Variants in ATP8B4 observed in about 807,000 individuals in gnomAD.
The protein encoded by ATP8B4 is ATPase phospholipid transporting 8B4 (putative).
A neutral mutation model predicts 145.6 loss-of-function variants in ATP8B4; 133 were observed. The ratio of observed to expected loss-of-function variants is 0.91; its 90% CI spans 0.79 to 1.05. The LOEUF is 1.05. Among genes scored for constraint, ATP8B4 ranks in the 50% least tolerant of loss-of-function variants. The pLI, the probability that ATP8B4 is intolerant of heterozygous loss-of-function variation, is 0.00. For synonymous variants in ATP8B4, 507 were observed against 492.9 expected (o/e 1.03, Z -0.38); for missense variants, 1,458 against 1,425.2 (o/e 1.02, Z -0.37).
At chr15:50,002,053 C>T in intron 8 of ATP8B4, 100 bp downstream of exon 8, 3 of 971,240 alleles carry the variant, frequency 3.1e-6, no homozygotes, top group Non-Finnish European at 4.6e-6. Flanking sequence ...ACTCCTATGT[C>T]TCCCAAGAAG....
intron 16 of ATP8B4, among the ~76,000 whole-genome samples, chr15:49,927,375 T>C (rs2040822204): frequency 6.6e-6 from 1 of 152,036 alleles, no homozygotes; most frequent in Non-Finnish European, 1.5e-5. Flanking sequence ...CCTGAGCCTT[T>C]GCATCAGGGT....
At chr15:49,860,545 T>C (rs1480071966) in intron 27 of ATP8B4, 70 bp from the exon 28 acceptor site, 1 of 1,466,578 alleles carries the variant, frequency 6.8e-7, no homozygotes, top group Non-Finnish European at 9.1e-7. Context: ...GCCCACTTTG[T>C]AAAGTGAAAG....
intron 8 of ATP8B4, 43 bp from the exon 9 acceptor site, chr15:49,996,802 C>A: frequency 6.7e-7 from 1 of 1,498,422 alleles, no homozygotes; most frequent in Non-Finnish European, 9.2e-7. Context: ...TATGGAACAG[C>A]CCAACAGCAT....
At chr15:50,111,757 G>T (rs1311522741) in intron 1 of ATP8B4, among the ~76,000 whole-genome samples, 3 of 152,188 alleles carry the variant, frequency 2.0e-5, no homozygotes, top group Non-Finnish European at 4.4e-5. Context: ...GTGTACATTT[G>T]ATATTAGTTA....
chr15:50,084,018 C>T (rs529960883), intron 2 of ATP8B4, among the ~76,000 whole-genome samples: 19 of 152,194 alleles, frequency 1.2e-4, no homozygotes, highest in East Asian at 3.9e-4. Flanking sequence ...CACATCCAGA[C>T]GGGTGGCCAA....
intron 13 of ATP8B4, among the ~76,000 whole-genome samples, chr15:49,968,422 G>A (rs200415190): frequency 2.2e-5 from 1 of 45,098 alleles, no homozygotes; most frequent in Admixed American, 2.8e-4. Context: ...TAAAGGGATG[G>A]AGGAATATTT....
intron 24 of ATP8B4, among the ~76,000 whole-genome samples, chr15:49,877,962 CT>C (rs1490706798): frequency 2.0e-5 from 3 of 152,096 alleles, no homozygotes; most frequent in Admixed American, 1.3e-4. Flanking sequence ...CTCTCCAAGG[CT>C]TGGTTTCTGC....
chr15:50,164,524 C>T (rs1343566284), intron 1 of ATP8B4, among the ~76,000 whole-genome samples: 1 of 152,152 alleles, frequency 6.6e-6, no homozygotes, highest in Non-Finnish European at 1.5e-5. Flanking sequence ...ACTCTCCCCT[C>T]TTCTCTCCTC....
intron 2 of ATP8B4, among the ~76,000 whole-genome samples, chr15:50,104,516 C>G (rs573263935): frequency 6.6e-6 from 1 of 152,230 alleles, no homozygotes; most frequent in South Asian, 2.1e-4. Context: ...AAATGCAAAT[C>G]AAAACCACAA....
chr15:50,107,834 G>C (rs2056757225), intron 1 of ATP8B4, among the ~76,000 whole-genome samples: 1 of 152,054 alleles, frequency 6.6e-6, no homozygotes, highest in Non-Finnish European at 1.5e-5. Flanking sequence ...AGAAGGGGAA[G>C]AACAACACTT....
chr15:50,156,075 T>TAA (rs1567410425), intron 1 of ATP8B4, among the ~76,000 whole-genome samples: 20 of 55,660 alleles, frequency 3.6e-4, no homozygotes, highest in Admixed American at 6.6e-4. Flanking sequence ...AATAAATAAA[T>TAA]ATATATATAT....
intron 11 of ATP8B4, among the ~76,000 whole-genome samples, chr15:49,980,852 G>A (rs1004211373): frequency 2.0e-5 from 3 of 152,162 alleles, no homozygotes; most frequent in African/African-American, 7.2e-5. Flanking sequence ...AGCCAGCCCT[G>A]CCCACCATAA....
chr15:49,860,381 G>C lies in ATP8B4; in HGVS notation c.3392C>G (p.Ala1131Gly), dbSNP rs1451305167. ...TCCATAGCCTTCTTGGTGAGCAAAA[G>C]CATATCCAGACCTTCTTGAGCTTGA... is the stretch of plus-strand genomic sequence containing the variant. The part of the protein sequence containing the change: ...RRSSSRRSGY[A>G]FAHQEGYGEL... Residue 1131 changes from alanine to glycine, a missense_variant, in exon 28 of 28, where the codon GCT (alanine) becomes GGT (glycine). Ala to Gly is a moderately conservative substitution (Grantham distance 60). Coordinates refer to ENST00000284509, the MANE Select transcript of ATP8B4 (RefSeq NM_024837.4). The C allele has an allele frequency of 5.6e-6, 9 of 1,614,104 alleles. No homozygotes were observed. The highest frequency in any genetic ancestry group is 7.6e-6 in the Non-Finnish European group (9 of 1,179,996).
intron 15 of ATP8B4, among the ~76,000 whole-genome samples, chr15:49,932,906 T>C (rs909826471): frequency 6.6e-6 from 1 of 151,926 alleles, no homozygotes; most frequent in African/African-American, 2.4e-5. Context: ...CTCCTTATAA[T>C]TGGAAGGGAA....
intron 5 of ATP8B4, among the ~76,000 whole-genome samples, chr15:50,040,657 T>C (rs1050228496): frequency 8.6e-5 from 13 of 151,986 alleles, no homozygotes; most frequent in Non-Finnish European, 4.4e-5. Context: ...AGTCAGCTCA[T>C]CCCCCAAAAG....
At chr15:50,002,264 A>AGATTGGT in intron 7 of ATP8B4, 41 bp from the exon 8 acceptor site, 1 of 1,524,706 alleles carries the variant, frequency 6.6e-7, no homozygotes, top group Non-Finnish European at 9.0e-7. Flanking sequence ...TTGAGAAGTT[A>AGATTGGT]GATTGGTTGA....
At chr15:49,977,904 C>CCTGT (rs754739283) in intron 12 of ATP8B4, among the ~76,000 whole-genome samples, 2 of 152,062 alleles carry the variant, frequency 1.3e-5, no homozygotes, top group East Asian at 1.9e-4. Context: ...CAAACTAAGG[C>CCTGT]ACAGAGAAGC....
At chr15:50,073,620 G>C (rs1327756047) in intron 3 of ATP8B4, among the ~76,000 whole-genome samples, 5 of 152,266 alleles carry the variant, frequency 3.3e-5, no homozygotes, top group African/African-American at 1.2e-4. Context: ...TGGGATTGCT[G>C]GGTCAAATAG....
At chr15:49,971,116 T>C (rs2045083488) in intron 13 of ATP8B4, among the ~76,000 whole-genome samples, 1 of 152,118 alleles carries the variant, frequency 6.6e-6, no homozygotes, top group Non-Finnish European at 1.5e-5. Flanking sequence ...ATACAAAAAT[T>C]AACTCAAGAT....
Sources: allele counts gnomAD v4.1 joint callset (sites outside exome capture counted in the v4.1 genomes callset), GRCh38; gene constraint gnomAD v4.1.1; transcripts MANE v1.5; gene names NCBI Gene and HGNC (gene_info 2026-07-23, HGNC 2026-07-21).